PTPRQ: variants seen among roughly 807,000 people sequenced by gnomAD.
PTPRQ encodes protein tyrosine phosphatase receptor type Q.
In PTPRQ, 199 loss-of-function variants were observed where a neutral mutation model predicts 246.0. The ratio of observed to expected loss-of-function variants is 0.81; its 90% CI spans 0.72 to 0.91. PTPRQ has a LOEUF of 0.91. Ranked by LOEUF, PTPRQ falls within the 40% of genes least tolerant of loss-of-function variation. The pLI, the probability that PTPRQ is intolerant of heterozygous loss-of-function variation, is 0.00. For synonymous variants in PTPRQ, 869 were observed against 853.2 expected, an observed-to-expected ratio of 1.02 and a Z score of -0.32; for missense variants, 2,624 against 2,528.4, an observed-to-expected ratio of 1.04 and a Z score of -0.81.
intron 39 of PTPRQ, among the ~76,000 whole-genome samples, chr12:80,663,868 T>A (rs993264000): frequency 7.9e-5 from 12 of 151,968 alleles, no homozygotes; most frequent in Non-Finnish European, 1.6e-4. Flanking sequence ...TGGACTCTGA[T>A]AATTCTTCAA....
At position 80,445,659 on chromosome 12, in the gene PTPRQ, C is replaced by G; in HGVS notation, c.332C>G (p.Pro111Arg). ...QTVYTQVRSKPDSLEVLLTNL... is the reference protein window; with the variant it reads ...QTVYTQVRSKRDSLEVLLTNL... ...GTATATACACAAGTCAGATCAAAGCCAGACAGTCTGGAAGTTCTTCTTACT... is the reference window on the plus strand; with the variant it reads ...GTATATACACAAGTCAGATCAAAGCGAGACAGTCTGGAAGTTCTTCTTACT... Residue 111 changes from proline to arginine, a missense_variant, in exon 3 of 45, where the codon CCA becomes CGA. By Grantham distance (103) the Pro-to-Arg change is moderately radical. Coordinates refer to ENST00000644991, the MANE Select transcript of PTPRQ (RefSeq NM_001145026.2). The G allele has an allele frequency of 6.5e-7, 1 of 1,550,070 alleles. No individual in the cohort carries two copies. The highest frequency in any genetic ancestry group is 8.7e-7 in the Non-Finnish European group (1 of 1,145,862).
At chr12:80,466,715 T>C (rs1893431109) in intron 6 of PTPRQ, among the ~76,000 whole-genome samples, 2 of 152,158 alleles carry the variant, frequency 1.3e-5, no homozygotes, top group Non-Finnish European at 2.9e-5. Context: ...TATCTACAAC[T>C]ATCTGATCTT....
chr12:80,495,435 T>C, intron 12 of PTPRQ, 64 bp downstream of exon 12: 1 of 1,459,886 alleles, frequency 6.8e-7, no homozygotes, highest in Non-Finnish European at 9.0e-7. Context: ...TGGTGGAAAA[T>C]ATGCCCATCT....
intron 36 of PTPRQ, 70 bp from the exon 37 acceptor site, chr12:80,649,518 C>A: frequency 1.3e-6 from 2 of 1,495,346 alleles, no homozygotes; most frequent in Middle Eastern, 1.8e-4. Context: ...AAAAGTGAAG[C>A]CAGTGCCAAT....
intron 8 of PTPRQ, among the ~76,000 whole-genome samples, chr12:80,482,226 C>G (rs1272882908): frequency 6.7e-6 from 1 of 149,640 alleles, no homozygotes; most frequent in East Asian, 2.0e-4. Context: ...CGCCGCATAT[C>G]TACAACTATC....
rs184405998 is a variant in PTPRQ, at chr12:80,616,500, T to C, written c.5230+234T>C. 2.1e-3 allele frequency among the ~76,000 whole-genome samples: 312 copies of C among 151,150 alleles called. 1 individual carries two copies. The highest frequency in any genetic ancestry group is 7.3e-3 in the African/African-American group (303 of 41,430). ...CTTTATTTTATATTTCTTTAATATATTTTATATTTCTAAGTTTAAATTTTT... is the reference window on the plus strand; with the variant it reads ...CTTTATTTTATATTTCTTTAATATACTTTATATTTCTAAGTTTAAATTTTT... On this transcript the variant is annotated intron_variant, in intron 30 of 44. Coordinates refer to ENST00000644991, the MANE Select transcript of PTPRQ (RefSeq NM_001145026.2).
intron 21 of PTPRQ, 75 bp downstream of exon 21, chr12:80,541,920 A>G: frequency 6.8e-7 from 1 of 1,467,432 alleles, no homozygotes; most frequent in Non-Finnish European, 9.0e-7. Context: ...GATAGGAAAT[A>G]GTCTTCAATT....
intron 27 of PTPRQ, 122 bp downstream of exon 27, chr12:80,605,302 G>C: frequency 3.9e-6 from 5 of 1,272,836 alleles, no homozygotes; most frequent in Non-Finnish European, 5.3e-6. Context: ...TACTTTACTT[G>C]TTTGTGTTTC....
chr12:80,539,168 A>G (rs10778763), intron 19 of PTPRQ, among the ~76,000 whole-genome samples: 83,405 of 151,908 alleles, frequency 0.55, 27,439 homozygotes, highest in Non-Finnish European at 0.72. Flanking sequence ...AAATGCAACT[A>G]GGAGTCAGTC....
At chr12:80,564,691 A>G (rs910727454) in intron 25 of PTPRQ, among the ~76,000 whole-genome samples, 5 of 152,228 alleles carry the variant, frequency 3.3e-5, no homozygotes, top group Non-Finnish European at 5.9e-5. Flanking sequence ...TTTTGCAGAC[A>G]TAGGAAATGA....
intron 18 of PTPRQ, 60 bp from the exon 19 acceptor site, chr12:80,534,832 C>T: frequency 1.3e-6 from 2 of 1,482,638 alleles, no homozygotes; most frequent in Non-Finnish European, 1.8e-6. Context: ...AAATTCAGGC[C>T]ATTTCAGACA....
chr12:80,476,657 T>C (rs1893820051), intron 8 of PTPRQ, among the ~76,000 whole-genome samples: 1 of 152,204 alleles, frequency 6.6e-6, no homozygotes, highest in Non-Finnish European at 1.5e-5. Context: ...AATTCCTTTC[T>C]GTTGTCTTAA....
At position 80,634,062 on chromosome 12, in the gene PTPRQ, C is replaced by T. The variant is rs187835003; in HGVS notation, c.5787-883C>T. On this transcript the variant is annotated intron_variant, in intron 34 of 44. Transcript: ENST00000644991. ...AAGTCAAATTCTACTTCTTTACCTC[C>T]TCTAAATAATAATAACTATTTATGT... is the stretch of plus-strand genomic sequence containing the variant. 3.9e-3 allele frequency among the ~76,000 whole-genome samples: 596 copies of T among 152,296 alleles called. 6 individuals carry two copies. Among genetic ancestry groups the T allele is most frequent in the African/African-American group, 0.014 (571 of 41,546 alleles).
At chr12:80,597,891 T>C (rs1737864815) in intron 26 of PTPRQ, among the ~76,000 whole-genome samples, 1 of 152,004 alleles carries the variant, frequency 6.6e-6, no homozygotes, top group South Asian at 2.1e-4. Flanking sequence ...TTGTAGAAAG[T>C]TGTTTTATAA....
intron 33 of PTPRQ, among the ~76,000 whole-genome samples, 171 bp from the exon 34 acceptor site, chr12:80,632,021 G>T (rs1899456153): frequency 6.6e-6 from 1 of 152,106 alleles, no homozygotes; most frequent in African/African-American, 2.4e-5. Context: ...CCGGGACTGA[G>T]CCCCAAAGTT....
chr12:80,469,627 C>T (rs745414351), intron 7 of PTPRQ, among the ~76,000 whole-genome samples: 70 of 152,166 alleles, frequency 4.6e-4, no homozygotes, highest in Admixed American at 4.6e-4. Flanking sequence ...TTTGCAATTT[C>T]TGTGGTATGA....
intron 9 of PTPRQ, among the ~76,000 whole-genome samples, chr12:80,488,933 A>G (rs914812544): frequency 6.6e-6 from 1 of 152,020 alleles, no homozygotes; most frequent in Admixed American, 6.6e-5. Flanking sequence ...CAACTTCCAC[A>G]CTTATATATG....
At chr12:80,504,550 A>G (rs971987371) in intron 14 of PTPRQ, among the ~76,000 whole-genome samples, 1 of 151,762 alleles carries the variant, frequency 6.6e-6, no homozygotes, top group Non-Finnish European at 1.5e-5. Context: ...CACTATTGAT[A>G]TCTGATTTGC....
intron 25 of PTPRQ, among the ~76,000 whole-genome samples, chr12:80,575,719 A>G (rs1178595519): frequency 6.6e-6 from 1 of 151,542 alleles, no homozygotes; most frequent in Non-Finnish European, 1.5e-5. Context: ...CATGCCTGTA[A>G]TCCCAGCTGC....
Sources: gnomAD v4.1 joint callset for allele counts (sites outside exome capture counted in the v4.1 genomes callset) on GRCh38, gnomAD v4.1.1 for gene constraint, MANE v1.5 for transcripts, NCBI Gene and HGNC (gene_info 2026-07-23, HGNC 2026-07-21) for gene names.